The following TTC3 variants were observed in gnomAD, a reference collection of about 807,000 sequenced individuals.
TTC3 encodes the protein E3 ubiquitin-protein ligase TTC3.
TTC3 carries 180 observed loss-of-function variants against 249.6 expected under a neutral mutation model. The ratio of observed to expected loss-of-function variants is 0.72; its 90% confidence interval spans 0.64 to 0.82. The LOEUF (loss-of-function observed/expected upper bound fraction) is 0.82. Among genes scored for constraint, TTC3 ranks in the 40% least tolerant of loss-of-function variants. The probability of loss-of-function intolerance (pLI) is 0.00; values close to 1 mark genes in which losing one functional copy is unlikely to be tolerated. For synonymous variants in TTC3, 717 were observed against 805.0 expected (o/e 0.89, Z 1.85); for missense variants, 2,061 against 2,398.4 (o/e 0.86, Z 2.94).
chr21:37,160,608 A>AC (rs1555899608), intron 29 of TTC3, among the ~76,000 whole-genome samples, 194 bp from the exon 30 acceptor site: 1 of 152,266 alleles, frequency 6.6e-6, no homozygotes, highest in Non-Finnish European at 1.5e-5. Flanking sequence ...AGTATACATT[A>AC]GTATTATTAA....
chr21:37,164,538 A>C (rs997925891), intron 32 of TTC3, among the ~76,000 whole-genome samples: 17 of 151,890 alleles, frequency 1.1e-4, no homozygotes, highest in African/African-American at 3.9e-4. Context: ...GGGTTTCACC[A>C]TGTTGGCCAG....
intron 20 of TTC3, among the ~76,000 whole-genome samples, chr21:37,142,330 A>G (rs1233356891): frequency 2.6e-5 from 4 of 152,232 alleles, no homozygotes; most frequent in African/African-American, 7.2e-5. Context: ...TGCAGATGAC[A>G]TGATTGTATA....
At chr21:37,106,831 A>G (rs1353734803) in intron 10 of TTC3, among the ~76,000 whole-genome samples, 1 of 152,226 alleles carries the variant, frequency 6.6e-6, no homozygotes, top group African/African-American at 2.4e-5. Context: ...TGTGATGTCA[A>G]GGCTGTAGTG....
intron 10 of TTC3, among the ~76,000 whole-genome samples, chr21:37,103,358 G>T (rs1846679249): frequency 1.3e-5 from 2 of 152,154 alleles, no homozygotes; most frequent in South Asian, 4.1e-4. Flanking sequence ...GTCTTCAAGA[G>T]TAAATAACCG....
exon 27 of TTC3, chr21:37,153,101 A>G (rs750301171): frequency 1.2e-6 from 2 of 1,613,804 alleles, no homozygotes; most frequent in Non-Finnish European, 1.7e-6. Flanking sequence ...AGCACAGAAG[A>G]CTATACAACC....
At position 37,126,163 on chromosome 21, in the gene TTC3, C is replaced by T; in HGVS notation, c.1297+20C>T. 1 of 1,597,058 alleles carries T rather than the reference C, an allele frequency of 6.3e-7. No homozygotes were observed. The highest frequency in any genetic ancestry group is 1.3e-5 in the African/African-American group (1 of 74,120). On this transcript the variant is annotated intron_variant, in intron 15 of 45. Transcript: ENST00000355666. ...CATCAAGTGAGTATTGTTTTTATAT[C>T]AATTGTTGCCAAGTTAATATAATGT... is the stretch of plus-strand genomic sequence containing the variant.
chr21:37,148,704 T>C (rs962807107), intron 23 of TTC3, 57 bp downstream of exon 23: 86 of 1,194,316 alleles, frequency 7.2e-5, no homozygotes, highest in Admixed American at 1.8e-4. Context: ...TGTCAATTTT[T>C]CCCCCAAGAA....
intron 28 of TTC3, 193 bp from the exon 29 acceptor site, chr21:37,159,506 G>T: frequency 1.7e-6 from 1 of 574,646 alleles, no homozygotes; most frequent in South Asian, 2.3e-5. Context: ...AAGTTTTATG[G>T]TTCTTTGTAG....
intron 11 of TTC3, among the ~76,000 whole-genome samples, chr21:37,109,286 A>G (rs2075378598): frequency 1.3e-5 from 2 of 152,208 alleles, no homozygotes; most frequent in Admixed American, 6.5e-5. Context: ...GGGAAGCGCA[A>G]GGGGTCAGGG....
At chr21:37,093,935 A>G (rs1243013420) in intron 7 of TTC3, 70 bp from the exon 8 acceptor site, 2 of 965,228 alleles carry the variant, frequency 2.1e-6, no homozygotes, top group Middle Eastern at 2.1e-4. Context: ...GAATTAGAAT[A>G]TTATCAATAC....
chr21:37,168,561 A>G (rs1293401839), intron 34 of TTC3, among the ~76,000 whole-genome samples: 1 of 152,240 alleles, frequency 6.6e-6, no homozygotes, highest in Non-Finnish European at 1.5e-5. Context: ...GGAGAGACAC[A>G]TAGAAGCCTT....
chr21:37,201,174 C>T (rs1057117844), intron 45 of TTC3, among the ~76,000 whole-genome samples: 15 of 152,164 alleles, frequency 9.9e-5, no homozygotes, highest in African/African-American at 2.7e-4. Flanking sequence ...AGCCTGGAAC[C>T]GGGGATCAGG....
At chr21:37,115,186 A>AATAATAAT (rs1432742577) in intron 11 of TTC3, among the ~76,000 whole-genome samples, 1 of 149,178 alleles carries the variant, frequency 6.7e-6, no homozygotes, top group East Asian at 1.9e-4. Context: ...TAATAATAAT[A>AATAATAAT]ATAATAATAA....
In TTC3 at chr21:37,154,635, C is replaced by CT. The variant is rs1427845721; in HGVS notation, c.2740+1358_2740+1359insT. Among the ~76,000 whole-genome samples the CT allele has an allele frequency of 4.6e-5, 7 of 152,262 alleles. No individual in the cohort carries two copies. In the East Asian group the frequency reaches 1.2e-3, roughly 25 times the overall value. ...CAGGTAAATGCAGCACTTGAGCCCT[C>CT]CAGCTCACTGGCAGGAAAGGGTGAA... On this transcript the variant is annotated intron_variant, in intron 27 of 45. Transcript: ENST00000355666.
chr21:37,199,580 C>T (rs892763528), intron 44 of TTC3, among the ~76,000 whole-genome samples: 2 of 152,172 alleles, frequency 1.3e-5, no homozygotes, highest in Admixed American at 1.3e-4. Flanking sequence ...ATGAGCCATC[C>T]GTTTGTTTTG....
At chr21:37,163,651 A>T (rs1418054374) in intron 31 of TTC3, among the ~76,000 whole-genome samples, 1 of 152,072 alleles carries the variant, frequency 6.6e-6, no homozygotes, top group South Asian at 2.1e-4. Flanking sequence ...CACCTGGCTT[A>T]AAAAAAACCT....
intron 15 of TTC3, among the ~76,000 whole-genome samples, chr21:37,128,186 T>C (rs1183265466): frequency 1.3e-5 from 2 of 152,230 alleles, no homozygotes; most frequent in African/African-American, 4.8e-5. Flanking sequence ...TTACATTGGC[T>C]CTGACTTGTG....
chr21:37,108,343 T>G, intron 10 of TTC3, 49 bp from the exon 11 acceptor site: 1 of 1,511,512 alleles, frequency 6.6e-7, no homozygotes, highest in Non-Finnish European at 9.0e-7. Flanking sequence ...GATATAATAC[T>G]TTTACTATAA....
chr21:37,104,163 T>C (rs2074815703), intron 10 of TTC3, among the ~76,000 whole-genome samples: 1 of 152,242 alleles, frequency 6.6e-6, no homozygotes, highest in East Asian at 1.9e-4. Flanking sequence ...GTGAAGGTGG[T>C]TGGAACTGTT....
Sources: gnomAD v4.1 joint callset for allele counts (sites outside exome capture counted in the v4.1 genomes callset) on GRCh38, gnomAD v4.1.1 for gene constraint, MANE v1.5 for transcripts, NCBI Gene and HGNC (gene_info 2026-07-23, HGNC 2026-07-21) for gene names.